The following INPP5F variants were observed in gnomAD, a reference collection of about 807,000 sequenced individuals.
INPP5F encodes inositol polyphosphate-5-phosphatase F.
A neutral mutation model predicts 137.2 loss-of-function variants in INPP5F; 97 were observed. That is an observed-to-expected ratio of 0.71 (90% confidence interval 0.60 to 0.84). The LOEUF (loss-of-function observed/expected upper bound fraction) is 0.84, where lower values mean the gene tolerates loss of function less well. Ranked by LOEUF, INPP5F falls within the 40% of genes least tolerant of loss-of-function variation. The pLI, the probability that INPP5F is intolerant of heterozygous loss-of-function variation, is 0.00. For synonymous variants in INPP5F, 504 were observed against 476.9 expected (o/e 1.06, Z -0.74); for missense variants, 1,271 against 1,371.9 (o/e 0.93, Z 1.16).
At chr10:119,745,397 C>G (rs1256310683) in intron 1 of INPP5F, among the ~76,000 whole-genome samples, 1 of 147,000 alleles carries the variant, frequency 6.8e-6, no homozygotes, top group African/African-American at 2.5e-5. Flanking sequence ...CCTTTCATGT[C>G]ATTTCAAGCC....
chr10:119,773,160 A>C (rs1849419641), intron 2 of INPP5F, among the ~76,000 whole-genome samples: 2 of 151,880 alleles, frequency 1.3e-5, no homozygotes, highest in African/African-American at 4.8e-5. Context: ...GGGGTCATGC[A>C]ATTCTCCCAT....
chr10:119,745,014 G>T (rs767960276), intron 1 of INPP5F, among the ~76,000 whole-genome samples: 1 of 150,024 alleles, frequency 6.7e-6, no homozygotes, highest in African/African-American at 2.5e-5. Flanking sequence ...TTTTTAAGTC[G>T]AAATCTTATT....
chr10:119,772,897 G>A (rs193009867), intron 2 of INPP5F, among the ~76,000 whole-genome samples: 9 of 151,740 alleles, frequency 5.9e-5, no homozygotes, highest in East Asian at 5.8e-4. Flanking sequence ...TTATAGGCAC[G>A]CACCACCATG....
chr10:119,760,693 C>CA (rs1848985303), intron 2 of INPP5F, among the ~76,000 whole-genome samples: 1 of 152,136 alleles, frequency 6.6e-6, no homozygotes, highest in African/African-American at 2.4e-5. Flanking sequence ...CCATTGACAG[C>CA]AAAAAATGAA....
intron 2 of INPP5F, among the ~76,000 whole-genome samples, chr10:119,772,591 G>T (rs964645891): frequency 1.1e-4 from 16 of 152,026 alleles, no homozygotes; most frequent in Non-Finnish European, 1.0e-4. Context: ...TCATGCTTCC[G>T]AAGGTCCTTC....
chr10:119,827,226 T>C lies in INPP5F; in HGVS notation c.2845T>C (p.Leu949=), dbSNP rs1851800159. 5.6e-6 allele frequency: 9 copies of C among 1,614,164 alleles called. No individual in the cohort carries two copies. The highest frequency in any genetic ancestry group is 1.3e-5 in the African/African-American group (1 of 75,056). The change falls in exon 20 of 20, where the codon TTG becomes CTG. Residue 949 remains leucine, a synonymous_variant. Transcript: ENST00000650623. ...KSPSAGDVHI[L]TGFAKPMDIY... ...TCCTTCTGCTGGCGACGTACACATA[T>C]TGACTGGCTTTGCCAAGCCTATGGA...
At position 119,738,286 on chromosome 10, in the gene INPP5F, G is replaced by A. The variant is rs1213094764; in HGVS notation, c.97+11927G>A. ...AGCAACTCTTTTCCTTATAGATAAC[G>A]TTGATGATCTTAAATTTTACAATTT... On this transcript the variant is annotated intron_variant, in intron 1 of 19. Transcript: ENST00000650623. Among the ~76,000 whole-genome samples, 4 of 152,112 alleles carry A rather than the reference G, an allele frequency of 2.6e-5. No homozygotes were observed. The East Asian group carries it at 7.7e-4, about 29-fold the overall frequency.
chr10:119,819,505 A>G, intron 15 of INPP5F: 1 of 1,605,648 alleles, frequency 6.2e-7, no homozygotes, highest in Non-Finnish European at 8.5e-7. Context: ...CGTAATTTTT[A>G]TGGCTTGGCT....
intron 2 of INPP5F, among the ~76,000 whole-genome samples, chr10:119,759,556 A>G (rs1002157628): frequency 5.3e-5 from 8 of 151,252 alleles, no homozygotes; most frequent in Non-Finnish European, 1.0e-4. Flanking sequence ...GGGTTTCATC[A>G]TGTTGGCCAG....
chr10:119,827,013 TC>T lies in INPP5F; in HGVS notation c.2633del (p.Ser878TyrfsTer2), dbSNP rs1564858835. The T allele has an allele frequency of 6.2e-7, 1 of 1,614,134 alleles. No homozygotes were observed. Among genetic ancestry groups the T allele is most frequent in the Admixed American group, 1.7e-5 (1 of 60,018 alleles). ...TGATGAAGACAGGCAGCTAGCTAACTCATTAGAGAGTGTAGGGCCAATAGAT... is the reference window on the plus strand; with the variant it reads ...TGATGAAGACAGGCAGCTAGCTAACTATTAGAGAGTGTAGGGCCAATAGAT... ...KSDEDRQLAN[S>X]LESVGPIDYV... On this transcript the variant is annotated frameshift_variant, in exon 20 of 20. Transcript: ENST00000650623. LOFTEE classifies it high-confidence loss of function.
intron 1 of INPP5F, among the ~76,000 whole-genome samples, chr10:119,728,607 G>C (rs1847958828): frequency 6.6e-6 from 1 of 152,164 alleles, no homozygotes; most frequent in Admixed American, 6.5e-5. Flanking sequence ...AAGCTTGTGG[G>C]CATCGTGGTT....
At chr10:119,821,046 C>T in intron 16 of INPP5F, 129 bp downstream of exon 16, 1 of 646,364 alleles carries the variant, frequency 1.5e-6, no homozygotes, top group Non-Finnish European at 2.8e-6. Context: ...CTTCATTGAA[C>T]CCCTTTACCT....
intron 2 of INPP5F, among the ~76,000 whole-genome samples, chr10:119,776,406 AT>A (rs1849524120): frequency 1.3e-5 from 2 of 152,088 alleles, no homozygotes; most frequent in African/African-American, 4.8e-5. Flanking sequence ...TGGCAATACC[AT>A]GTTTTTGTGG....
chr10:119,779,854 C>A lies in INPP5F; in HGVS notation c.179-1781C>A, dbSNP rs1229259284. 6.6e-5 allele frequency among the ~76,000 whole-genome samples: 10 copies of A among 152,288 alleles called. No individual in the cohort carries two copies. The East Asian group carries it at 1.9e-3, about 29-fold the overall frequency. On this transcript the variant is annotated intron_variant, in intron 2 of 19. Transcript: ENST00000650623. ...TAGGTTAAAACACAAACACATTGTA[C>A]AGCTGTGCAAAAATATTTTCTTTTT...
chr10:119,759,286 G>T (rs1848941508), intron 2 of INPP5F, among the ~76,000 whole-genome samples: 3 of 152,056 alleles, frequency 2.0e-5, no homozygotes, highest in African/African-American at 7.2e-5. Context: ...CTTTCAAAGT[G>T]CTGGGATTAC....
At chr10:119,765,820 A>G (rs1270648269) in intron 2 of INPP5F, among the ~76,000 whole-genome samples, 1 of 148,172 alleles carries the variant, frequency 6.7e-6, no homozygotes, top group Non-Finnish European at 1.5e-5. Context: ...TATACACTAT[A>G]TACTATATAT....
At chr10:119,800,414 AC>A (rs1850542370) in intron 9 of INPP5F, among the ~76,000 whole-genome samples, 1 of 149,012 alleles carries the variant, frequency 6.7e-6, no homozygotes, top group African/African-American at 2.4e-5. Flanking sequence ...AAAAAAATTA[AC>A]CAGGCATGGT....
chr10:119,794,767 C>T lies in INPP5F; in HGVS notation c.670-1948C>T, dbSNP rs1228665791. On this transcript the variant is annotated intron_variant, in intron 6 of 19. Coordinates refer to ENST00000650623, the MANE Select transcript of INPP5F (RefSeq NM_014937.4). ...GGGGCTGACCCCCCCACCTCCCTCC[C>T]GGACGGGGCGGCTGGCCGGGCGGGG... 1.4e-4 allele frequency among the ~76,000 whole-genome samples: 19 copies of T among 137,472 alleles called. No homozygotes were observed. In the East Asian group the frequency reaches 3.1e-3, roughly 22 times the overall value. 90.2% of individuals were successfully genotyped at this position (137,472 alleles called of 152,430 possible).
chr10:119,820,971 ATTTTC>A, intron 16 of INPP5F, 54 bp downstream of exon 16: 1 of 1,164,190 alleles, frequency 8.6e-7, no homozygotes, highest in South Asian at 1.3e-5. Context: ...ACTTGAGTAA[ATTTTC>A]TTTTTAGAAT....
Sources: gnomAD v4.1 joint callset for allele counts (sites outside exome capture counted in the v4.1 genomes callset) on GRCh38, gnomAD v4.1.1 for gene constraint, MANE v1.5 for transcripts, NCBI Gene and HGNC (gene_info 2026-07-23, HGNC 2026-07-21) for gene names.